The following JPT1 variants were observed in gnomAD, a reference collection of about 807,000 sequenced individuals.
The protein encoded by JPT1 is Jupiter microtubule associated homolog 1.
A neutral mutation model predicts 17.0 loss-of-function variants in JPT1; 5 were observed. The observed-to-expected ratio is 0.29, with a 90% CI of 0.15 to 0.62. The LOEUF is 0.62. Among genes scored for constraint, JPT1 ranks in the 20% least tolerant of loss-of-function variants. The pLI is 0.85. For synonymous variants in JPT1, 71 were observed against 73.6 expected (o/e 0.96, Z 0.18); for missense variants, 158 against 188.1 (o/e 0.84, Z 0.94).
intron 4 of JPT1, among the ~76,000 whole-genome samples, chr17:75,137,673 AG>A (rs2074229897): frequency 7.5e-6 from 1 of 133,512 alleles, no homozygotes; most frequent in Non-Finnish European, 1.5e-5. Flanking sequence ...CCCTTCACAC[AG>A]CCTAGTTTTC....
chr17:75,151,388 T>C (rs1013567409), intron 1 of JPT1, among the ~76,000 whole-genome samples: 7 of 151,902 alleles, frequency 4.6e-5, no homozygotes, highest in Non-Finnish European at 8.8e-5. Context: ...TCAGGAGCGG[T>C]GGCTCATGCC....
chr17:75,146,740 A>C, intron 3 of JPT1, 56 bp from the exon 4 acceptor site: 5 of 1,077,988 alleles, frequency 4.6e-6, no homozygotes, highest in Non-Finnish European at 7.0e-6. Flanking sequence ...GGAACACGCA[A>C]AACAGTCATA....
rs182763292 is a variant in JPT1 at position 75,147,059 on chromosome 17, G to A, written c.298-375C>T. On this transcript the variant is annotated intron_variant, in intron 3 of 4. Transcript: ENST00000409753. Reference sequence around the variant, plus strand: ...AATAGTTATGGAAGGACCCCTATCAGTTCCAAAGCCCTTCTCCAGTTCTCT... The same window carrying A: ...AATAGTTATGGAAGGACCCCTATCAATTCCAAAGCCCTTCTCCAGTTCTCT... Among the ~76,000 whole-genome samples, 30 of 152,170 alleles carry A rather than the reference G, an allele frequency of 2.0e-4. No individual in the cohort carries two copies. In the East Asian group the frequency reaches 5.0e-3, roughly 25 times the overall value.
At chr17:75,139,452 CATACTA>C (rs1233474088) in intron 4 of JPT1, among the ~76,000 whole-genome samples, 1 of 151,970 alleles carries the variant, frequency 6.6e-6, no homozygotes, top group East Asian at 1.9e-4. Flanking sequence ...AAATACATAA[CATACTA>C]ATAAAGAAGA....
rs2074183937 is a variant in JPT1 at position 75,135,907 on chromosome 17, A to G, written c.*195T>C. 8.5e-7 allele frequency: 1 copy of G among 1,180,504 alleles called. No homozygotes were observed. 73.1% of individuals were successfully genotyped at this position (1,180,504 alleles called of 1,614,324 possible). ...TCCAATCTACTACTAGAAAACACTC[A>G]TGCCATGGCCCACAGACCCAAGAGT... On this transcript the variant is annotated 3_prime_UTR_variant, in exon 5 of 5. Coordinates refer to ENST00000409753, the MANE Select transcript of JPT1 (RefSeq NM_016185.4).
intron 3 of JPT1, 95 bp downstream of exon 3, chr17:75,147,461 A>G (rs2074461317): frequency 3.6e-6 from 3 of 826,068 alleles, no homozygotes; most frequent in South Asian, 2.8e-5. Flanking sequence ...AACTACCTCA[A>G]TGTAAAATTC....
chr17:75,150,852 T>C (rs8070149), intron 1 of JPT1, among the ~76,000 whole-genome samples: 4,639 of 119,476 alleles, frequency 0.039, 139 homozygotes, highest in African/African-American at 0.19. Context: ...TCTTTCTTTT[T>C]TTTTTTTTTT....
chr17:75,146,793 T>G (rs1361902708), intron 3 of JPT1, 109 bp from the exon 4 acceptor site: 8 of 715,864 alleles, frequency 1.1e-5, no homozygotes, highest in Non-Finnish European at 2.0e-5. Context: ...ATGTGACATT[T>G]CATTGTGTTG....
chr17:75,146,115 C>T (rs568434335), intron 4 of JPT1, among the ~76,000 whole-genome samples: 7 of 151,988 alleles, frequency 4.6e-5, no homozygotes, highest in African/African-American at 7.3e-5. Flanking sequence ...CAAATACTGA[C>T]CTGATTAATA....
chr17:75,135,919 A>G lies in JPT1; in HGVS notation c.*183T>C. On this transcript the variant is annotated 3_prime_UTR_variant, in exon 5 of 5. Transcript: ENST00000409753. ...CTAGAAAACACTCATGCCATGGCCC[A>G]CAGACCCAAGAGTCAAGGACAGAGA... is the stretch of plus-strand genomic sequence containing the variant. 1 of 1,353,006 alleles carries G rather than the reference A, an allele frequency of 7.4e-7. No individual in the cohort carries two copies. Among genetic ancestry groups the G allele is most frequent in the Non-Finnish European group, 1.0e-6 (1 of 987,458 alleles). 83.8% of individuals were successfully genotyped at this position (1,353,006 alleles called of 1,614,324 possible).
In JPT1 at chr17:75,135,366, G is replaced by C. The variant is rs1482762401; in HGVS notation, c.*736C>G. 6.6e-6 allele frequency: 1 copy of C among 152,578 alleles called. No individual in the cohort carries two copies. The highest frequency in any genetic ancestry group is 1.5e-5 in the Non-Finnish European group (1 of 68,086). 9.5% of individuals were successfully genotyped at this position (152,578 alleles called of 1,614,324 possible). A position where few individuals can be genotyped will look rare whatever the true frequency, so the allele number is the denominator to read the frequency against. The stretch of plus-strand genomic sequence containing the variant: ...CACCAGCATCATGCACACAGCATCA[G>C]GTTATTTAAAACAACACGCCTGTGG... On this transcript the variant is annotated 3_prime_UTR_variant, in exon 5 of 5. Transcript: ENST00000409753.
chr17:75,146,514 C>G (rs1024213955), intron 4 of JPT1, 152 bp downstream of exon 4: 2 of 585,574 alleles, frequency 3.4e-6, no homozygotes, highest in Admixed American at 3.4e-5. Flanking sequence ...TAGCATTGAT[C>G]GCGTTACTGG....
In JPT1 at chr17:75,136,620, T is replaced by G. The variant is rs369747627; in HGVS notation, c.317-370A>C. ...AATTCTCCTGCCTCAGCCTCTCTAG[T>G]AGCTGGGATTACAGGCGCCTGCCGC... On this transcript the variant is annotated intron_variant, in intron 4 of 4. Transcript: ENST00000409753. Among the ~76,000 whole-genome samples the G allele has an allele frequency of 3.9e-5, 6 of 152,214 alleles. No individual in the cohort carries two copies. The East Asian group carries it at 9.6e-4, about 24-fold the overall frequency.
chr17:75,143,058 T>C (rs1232296474), intron 4 of JPT1, among the ~76,000 whole-genome samples: 1 of 152,096 alleles, frequency 6.6e-6, no homozygotes. Context: ...AGGACTGTAA[T>C]CTGATGGCAG....
At chr17:75,142,696 GGGAGGGGAAGGGAGA>G (rs1474273189) in intron 4 of JPT1, 2 of 438,478 alleles carry the variant, frequency 4.6e-6, no homozygotes, top group South Asian at 1.6e-5. Flanking sequence ...GAGAAGGGAG[GGGAGGGGAAGGGAGA>G]GGAGGGAAGA....
chr17:75,137,966 C>G (rs2074239027), intron 4 of JPT1, among the ~76,000 whole-genome samples: 1 of 149,138 alleles, frequency 6.7e-6, no homozygotes, highest in Middle Eastern at 3.5e-3. Flanking sequence ...CCTTTTTTTT[C>G]TTTAGTTGAG....
intron 4 of JPT1, among the ~76,000 whole-genome samples, chr17:75,138,258 G>A (rs2074245564): frequency 6.6e-6 from 1 of 151,912 alleles, no homozygotes; most frequent in South Asian, 2.1e-4. Flanking sequence ...CCTCCATACT[G>A]GGCCTTAGTT....
chr17:75,141,757 G>A (rs536020119), intron 4 of JPT1, among the ~76,000 whole-genome samples: 2 of 152,052 alleles, frequency 1.3e-5, no homozygotes, highest in South Asian at 2.1e-4. Flanking sequence ...CGAAAACTCC[G>A]TGTCTGCTAA....
At chr17:75,152,961 C>T (rs2074576876) in intron 1 of JPT1, 1 of 152,120 alleles carries the variant, frequency 6.6e-6, no homozygotes, top group African/African-American at 2.4e-5. Context: ...AATGTCATTT[C>T]CCATGCTTTC....
Sources: allele counts gnomAD v4.1 joint callset (sites outside exome capture counted in the v4.1 genomes callset), GRCh38; gene constraint gnomAD v4.1.1; transcripts MANE v1.5; gene names NCBI Gene and HGNC (gene_info 2026-07-23, HGNC 2026-07-21).